PCNX2: variants seen among roughly 807,000 people sequenced by gnomAD.
The protein encoded by PCNX2 is pecanex 2.
PCNX2 carries 168 observed loss-of-function variants against 223.8 expected under a neutral mutation model. The observed-to-expected ratio is 0.75, with a 90% CI of 0.66 to 0.85. PCNX2 has a LOEUF of 0.85. Ranked by LOEUF, PCNX2 falls within the 40% of genes least tolerant of loss-of-function variation. The pLI is 0.00. For synonymous variants in PCNX2, 1,006 were observed against 1,052.6 expected (o/e 0.96, Z 0.86); for missense variants, 2,507 against 2,675.5 (o/e 0.94, Z 1.39).
Position 233,160,311 on chromosome 1 carries a change from G to A in PCNX2, c.3489C>T (p.Asn1163=), listed in dbSNP as rs1186167380. 6.2e-7 allele frequency: 1 copy of A among 1,608,922 alleles called. No individual in the cohort carries two copies. Among genetic ancestry groups the A allele is most frequent in the Non-Finnish European group, 8.5e-7 (1 of 1,177,888 alleles). The change falls in exon 19 of 34, where the codon AAC becomes AAT. Residue 1163 remains asparagine, a synonymous_variant. Transcript: ENST00000258229. ...TCACTTCCCGTTGATGATACTCTTT[G>A]TTTTTGAGAATGGGGTGTGAAATCC... ...WMWISHPILK[N]KEYHQREVRD...
intron 28 of PCNX2, among the ~76,000 whole-genome samples, chr1:233,005,923 C>T (rs1371096885): frequency 6.6e-6 from 1 of 152,192 alleles, no homozygotes; most frequent in Admixed American, 6.5e-5. Context: ...AAACAGCCCC[C>T]ACTCGCACGC....
At chr1:233,028,353 A>G (rs1671155019) in intron 25 of PCNX2, among the ~76,000 whole-genome samples, 1 of 152,234 alleles carries the variant, frequency 6.6e-6, no homozygotes. Flanking sequence ...CTATAATTGT[A>G]GATTTTTCTG....
chr1:233,323,378 TAACCTATGCAC>T, the PCNX2 span, among the ~76,000 whole-genome samples: 1 of 152,244 alleles, frequency 6.6e-6, no homozygotes, highest in Non-Finnish European at 1.5e-5. Flanking sequence ...TATTTTCATA[TAACCTATGCAC>T]ATCCTCCTGT....
chr1:233,094,888 G>T (rs371316626), intron 22 of PCNX2, among the ~76,000 whole-genome samples: 278 of 152,258 alleles, frequency 1.8e-3, no homozygotes, highest in African/African-American at 6.4e-3. Flanking sequence ...GATTTAAAAA[G>T]TATGAGTTGG....
intron 15 of PCNX2, among the ~76,000 whole-genome samples, chr1:233,187,221 A>AC (rs139252301): frequency 0.1 from 15,229 of 152,276 alleles, 960 homozygotes; most frequent in East Asian, 0.31. Context: ...CCCATTTTAC[A>AC]ATGAGGAAAC....
chr1:233,050,960 A>C (rs1279149827), intron 25 of PCNX2, among the ~76,000 whole-genome samples: 3 of 152,122 alleles, frequency 2.0e-5, no homozygotes, highest in African/African-American at 7.2e-5. Context: ...GTATAAGGGA[A>C]TTAAACAATC....
chr1:233,157,946 G>A (rs932232925), intron 19 of PCNX2, among the ~76,000 whole-genome samples: 12 of 152,234 alleles, frequency 7.9e-5, no homozygotes, highest in Admixed American at 2.6e-4. Context: ...GCCTGACACT[G>A]TGTAAGCAAG....
chr1:233,119,598 CA>C (rs201975443), intron 21 of PCNX2, among the ~76,000 whole-genome samples: 25,107 of 139,114 alleles, frequency 0.18, 2,253 homozygotes, highest in East Asian at 0.24. Flanking sequence ...AAAAAAAAAA[CA>C]AAAACAAAAA....
chr1:233,128,528 T>C (rs553248801), intron 21 of PCNX2, among the ~76,000 whole-genome samples: 1 of 152,132 alleles, frequency 6.6e-6, no homozygotes, highest in African/African-American at 2.4e-5. Context: ...AGAGATGAGG[T>C]TTCACCATGT....
intron 23 of PCNX2, among the ~76,000 whole-genome samples, chr1:233,071,803 A>T (rs1013770965): frequency 6.6e-6 from 1 of 152,158 alleles, no homozygotes; most frequent in African/African-American, 2.4e-5. Context: ...ACTTCCCAGC[A>T]TCTGTTATTC....
At chr1:233,073,217 T>C (rs1449872432) in intron 23 of PCNX2, among the ~76,000 whole-genome samples, 1 of 152,224 alleles carries the variant, frequency 6.6e-6, no homozygotes, top group Non-Finnish European at 1.5e-5. Flanking sequence ...CTTTTAATTA[T>C]GTAAGGCTAG....
At chr1:233,287,989 C>A (rs1003123029) in intron 1 of PCNX2, among the ~76,000 whole-genome samples, 5 of 151,992 alleles carry the variant, frequency 3.3e-5, no homozygotes, top group African/African-American at 4.8e-5. Context: ...ATAATAGTAA[C>A]ATAATACAAT....
chr1:233,225,193 A>T (rs960850884), intron 10 of PCNX2, among the ~76,000 whole-genome samples: 1 of 150,854 alleles, frequency 6.6e-6, no homozygotes, highest in Non-Finnish European at 1.5e-5. Context: ...ATTTGACAAC[A>T]TCTACTTTGG....
intron 10 of PCNX2, 62 bp from the exon 11 acceptor site, chr1:233,218,246 CTTT>C (rs372117818): frequency 4.6e-3 from 2,282 of 495,246 alleles, no homozygotes; most frequent in East Asian, 0.011. Flanking sequence ...TAAGTTTTGC[CTTT>C]TTTTTTTTTT....
intron 25 of PCNX2, among the ~76,000 whole-genome samples, chr1:233,031,129 C>T (rs1216621108): frequency 1.3e-5 from 2 of 152,192 alleles, no homozygotes; most frequent in Non-Finnish European, 2.9e-5. Context: ...CCTGCACTGC[C>T]TGTTGTCCAA....
chr1:233,034,994 T>C (rs935932180), intron 25 of PCNX2, among the ~76,000 whole-genome samples: 4 of 152,134 alleles, frequency 2.6e-5, no homozygotes, highest in African/African-American at 7.2e-5. Flanking sequence ...AGACCAGCGA[T>C]GGGGAAACCA....
At chr1:233,050,841 A>G (rs1234016602) in intron 25 of PCNX2, among the ~76,000 whole-genome samples, 4 of 152,206 alleles carry the variant, frequency 2.6e-5, no homozygotes, top group Non-Finnish European at 5.9e-5. Flanking sequence ...AATTAAACTA[A>G]AGAGCTTCTG....
intron 25 of PCNX2, among the ~76,000 whole-genome samples, chr1:233,050,013 A>G (rs1671943997): frequency 6.6e-6 from 1 of 152,116 alleles, no homozygotes; most frequent in South Asian, 2.1e-4. Context: ...CATGGATTGG[A>G]AGAATCAACA....
At chr1:233,054,212 G>T in intron 25 of PCNX2, 56 bp downstream of exon 25, 1 of 1,507,112 alleles carries the variant, frequency 6.6e-7, no homozygotes, top group South Asian at 1.2e-5. Context: ...AGTTTTGCTT[G>T]ATAATTAACT....
Sources: allele counts gnomAD v4.1 joint callset (sites outside exome capture counted in the v4.1 genomes callset), GRCh38; gene constraint gnomAD v4.1.1; transcripts MANE v1.5; gene names NCBI Gene and HGNC (gene_info 2026-07-23, HGNC 2026-07-21).